Variants in WASF1 observed in about 807,000 individuals in gnomAD.
WASF1 encodes actin-binding protein WASF1.
In WASF1, 7 loss-of-function variants were observed where a neutral mutation model predicts 50.5. The ratio of observed to expected loss-of-function variants is 0.14; its 90% CI spans 0.08 to 0.26. The LOEUF (loss-of-function observed/expected upper bound fraction) is 0.26, where lower values mean the gene tolerates loss of function less well. Ranked by LOEUF, WASF1 falls within the 10% of genes least tolerant of loss-of-function variation. The pLI, the probability that WASF1 is intolerant of heterozygous loss-of-function variation, is 1.00. For synonymous variants in WASF1, 205 were observed against 244.0 expected, an observed-to-expected ratio of 0.84 and a Z score of 1.49; for missense variants, 470 against 694.7, an observed-to-expected ratio of 0.68 and a Z score of 3.64.
chr6:110,177,889 AT>A (rs1375946749), intron 2 of WASF1, among the ~76,000 whole-genome samples: 1 of 152,092 alleles, frequency 6.6e-6, no homozygotes, highest in Non-Finnish European at 1.5e-5. Context: ...AAATAATGAG[AT>A]GTAAACAGTT....
chr6:110,174,483 G>A (rs185731625), intron 2 of WASF1, among the ~76,000 whole-genome samples: 5 of 152,240 alleles, frequency 3.3e-5, no homozygotes, highest in African/African-American at 9.6e-5. Flanking sequence ...CAGGCAGGCA[G>A]AATTGTTATT....
intron 3 of WASF1, among the ~76,000 whole-genome samples, chr6:110,140,435 G>C (rs1039868822): frequency 6.6e-6 from 1 of 152,186 alleles, no homozygotes; most frequent in African/African-American, 2.4e-5. Flanking sequence ...AAACCCAAAG[G>C]GGGAGTCATA....
chr6:110,147,474 C>T (rs1056875633), intron 3 of WASF1, among the ~76,000 whole-genome samples: 6 of 151,956 alleles, frequency 3.9e-5, no homozygotes, highest in African/African-American at 1.2e-4. Flanking sequence ...AAGAAATAAG[C>T]TACATACTCA....
At chr6:110,177,991 A>G (rs1384407863) in intron 2 of WASF1, among the ~76,000 whole-genome samples, 1 of 151,918 alleles carries the variant, frequency 6.6e-6, no homozygotes, top group Non-Finnish European at 1.5e-5. Flanking sequence ...GCAAAACTGA[A>G]GCCTACTCAT....
intron 9 of WASF1, among the ~76,000 whole-genome samples, 185 bp from the exon 10 acceptor site, chr6:110,102,401 A>T (rs1046816352): frequency 3.3e-5 from 5 of 152,086 alleles, no homozygotes; most frequent in African/African-American, 9.7e-5. Context: ...GCACATCAAT[A>T]AAAAAATTAA....
intron 4 of WASF1, 63 bp downstream of exon 4, chr6:110,127,403 ACTT>A: frequency 2.2e-6 from 3 of 1,360,770 alleles, no homozygotes; most frequent in South Asian, 3.7e-5. Context: ...CAGAAGCACA[ACTT>A]CTTAATACGC....
At position 110,127,610 on chromosome 6, in the gene WASF1, T is replaced by A; in HGVS notation, c.-9A>T. 6.5e-7 allele frequency: 1 copy of A among 1,539,476 alleles called. No individual in the cohort carries two copies. Among genetic ancestry groups the A allele is most frequent in the Non-Finnish European group, 8.7e-7 (1 of 1,144,554 alleles). On this transcript the variant is annotated 5_prime_UTR_variant, in exon 4 of 11. Coordinates refer to ENST00000392589, the MANE Select transcript of WASF1 (RefSeq NM_003931.3). ...CTTTTCACTAGCGGCATCTTGAGAT[T>A]AACCTTTGTGCCAGTTCACCTGTAG... is the stretch of plus-strand genomic sequence containing the variant.
At chr6:110,134,005 A>C (rs1774824034) in intron 3 of WASF1, among the ~76,000 whole-genome samples, 1 of 151,926 alleles carries the variant, frequency 6.6e-6, no homozygotes, top group South Asian at 2.1e-4. Flanking sequence ...TTTTTTTGAG[A>C]CAGAATCTCG....
chr6:110,110,524 C>T (rs187450488), intron 5 of WASF1, among the ~76,000 whole-genome samples: 1 of 152,266 alleles, frequency 6.6e-6, no homozygotes, highest in Admixed American at 6.5e-5. Flanking sequence ...AACTAATAAG[C>T]ATGATGTACT....
At chr6:110,150,618 G>A (rs1489892612) in intron 3 of WASF1, among the ~76,000 whole-genome samples, 2 of 152,144 alleles carry the variant, frequency 1.3e-5, no homozygotes, top group South Asian at 2.1e-4. Context: ...GAGAATAAGA[G>A]AGGAAAAATA....
intron 1 of WASF1, among the ~76,000 whole-genome samples, chr6:110,179,044 GC>G (rs1777074159): frequency 1.3e-5 from 2 of 152,262 alleles, no homozygotes; most frequent in African/African-American, 2.4e-5. Flanking sequence ...CGTAGGGCGA[GC>G]AGGGGATTCT....
chr6:110,148,010 G>C (rs1255355726), intron 3 of WASF1, among the ~76,000 whole-genome samples: 1 of 152,110 alleles, frequency 6.6e-6, no homozygotes, highest in African/African-American at 2.4e-5. Context: ...GCCTTTCAAA[G>C]TGCTAGGATT....
At chr6:110,124,240 CTCTCTCT>C (rs1774293496) in intron 4 of WASF1, among the ~76,000 whole-genome samples, 1 of 30,848 alleles carries the variant, frequency 3.2e-5, no homozygotes, top group Admixed American at 3.8e-4. Flanking sequence ...TCTCTCCTCT[CTCTCTCT>C]CTCTCTCTCT....
chr6:110,100,965 G>A (rs1773057054), intron 10 of WASF1, among the ~76,000 whole-genome samples: 1 of 152,046 alleles, frequency 6.6e-6, no homozygotes, highest in Non-Finnish European at 1.5e-5. Context: ...AATTAATGAG[G>A]TGGTACATTT....
intron 3 of WASF1, among the ~76,000 whole-genome samples, chr6:110,145,835 A>G (rs911107778): frequency 6.6e-6 from 1 of 152,090 alleles, no homozygotes; most frequent in East Asian, 1.9e-4. Flanking sequence ...TTGCAGGGAC[A>G]TGGATGAAGC....
intron 4 of WASF1, among the ~76,000 whole-genome samples, chr6:110,124,274 C>CTCTA (rs1331534646): frequency 1.2e-3 from 24 of 20,498 alleles, no homozygotes; most frequent in East Asian, 2.7e-3. Context: ...CTCTCTCTCT[C>CTCTA]TATATATATA....
intron 8 of WASF1, among the ~76,000 whole-genome samples, chr6:110,104,265 A>T (rs1773220034): frequency 6.6e-6 from 1 of 152,224 alleles, no homozygotes; most frequent in African/African-American, 2.4e-5. Flanking sequence ...GCAAGTCAGA[A>T]ATTATTGTAT....
chr6:110,103,363 C>T lies in WASF1; in HGVS notation c.893+15G>A. 6.2e-6 allele frequency: 10 copies of T among 1,607,454 alleles called. No individual in the cohort carries two copies. The highest frequency in any genetic ancestry group is 8.5e-6 in the Non-Finnish European group (10 of 1,176,420). ...GACTCCTAAGATAAAACATCATATG[C>T]TTGTTCCAACATACCTGATACAGGT... On this transcript the variant is annotated intron_variant, in intron 9 of 10. Coordinates refer to ENST00000392589, the MANE Select transcript of WASF1 (RefSeq NM_003931.3).
chr6:110,166,643 A>G (rs1442262457), intron 2 of WASF1, among the ~76,000 whole-genome samples: 1 of 151,942 alleles, frequency 6.6e-6, no homozygotes, highest in African/African-American at 2.4e-5. Context: ...ATTTAAAAGC[A>G]GAGTAGATAA....
Sources: allele counts gnomAD v4.1 joint callset (sites outside exome capture counted in the v4.1 genomes callset), GRCh38; gene constraint gnomAD v4.1.1; transcripts MANE v1.5; gene names NCBI Gene and HGNC (gene_info 2026-07-23, HGNC 2026-07-21).